Variants in RSRC1 observed in about 807,000 individuals in gnomAD.
RSRC1 encodes the protein serine/Arginine-related protein 53.
Under a neutral mutation model 49.1 loss-of-function variants are expected in RSRC1, and 39 were observed. That is an observed-to-expected ratio of 0.79 (90% CI 0.61 to 1.04). The LOEUF (loss-of-function observed/expected upper bound fraction) is 1.04. RSRC1 is among the 50% of genes least tolerant of loss of function. RSRC1 has a pLI of 0.00. For synonymous variants in RSRC1, 143 were observed against 130.8 expected (o/e 1.09, Z -0.63); for missense variants, 388 against 402.4 (o/e 0.96, Z 0.31).
At chr3:158,265,146 C>T (rs1163056194) in intron 4 of RSRC1, among the ~76,000 whole-genome samples, 1 of 152,216 alleles carries the variant, frequency 6.6e-6, no homozygotes, top group African/African-American at 2.4e-5. Context: ...CCTGTAATTA[C>T]AGGCCTTCAT....
At chr3:158,199,371 A>G (rs979240857) in intron 3 of RSRC1, among the ~76,000 whole-genome samples, 1 of 152,104 alleles carries the variant, frequency 6.6e-6, no homozygotes, top group African/African-American at 2.4e-5. Flanking sequence ...TCCATCATCC[A>G]CATTCTTTAT....
chr3:158,260,585 C>T (rs940614249), intron 4 of RSRC1, among the ~76,000 whole-genome samples: 36 of 152,142 alleles, frequency 2.4e-4, no homozygotes, highest in African/African-American at 4.6e-4. Flanking sequence ...CACCAGGTTG[C>T]GCGCATTTCA....
chr3:158,273,145 G>A (rs1056751803), intron 4 of RSRC1, among the ~76,000 whole-genome samples: 40 of 152,024 alleles, frequency 2.6e-4, no homozygotes, highest in African/African-American at 8.9e-4. Flanking sequence ...TCTCAATGAC[G>A]TATAGCAATT....
intron 6 of RSRC1, among the ~76,000 whole-genome samples, chr3:158,411,160 G>A (rs1734444923): frequency 6.6e-6 from 1 of 152,044 alleles, no homozygotes; most frequent in Non-Finnish European, 1.5e-5. Context: ...TTCATTTTAT[G>A]AACATATTAC....
At chr3:158,154,792 C>T (rs545292536) in intron 3 of RSRC1, among the ~76,000 whole-genome samples, 83 of 152,224 alleles carry the variant, frequency 5.5e-4, no homozygotes, top group African/African-American at 1.8e-3. Context: ...AGTCAGTCTT[C>T]TCAAACCCTG....
At chr3:158,519,231 A>C (rs571307658) in intron 7 of RSRC1, among the ~76,000 whole-genome samples, 5 of 151,938 alleles carry the variant, frequency 3.3e-5, no homozygotes, top group Non-Finnish European at 7.4e-5. Flanking sequence ...TCCTGTGCTA[A>C]CCCTGGTCTG....
At chr3:158,212,523 T>C (rs1461921091) in intron 4 of RSRC1, among the ~76,000 whole-genome samples, 2 of 151,954 alleles carry the variant, frequency 1.3e-5, no homozygotes, top group African/African-American at 2.4e-5. Context: ...CCAGTCCTGA[T>C]TGATCACTTT....
At chr3:158,469,573 T>G (rs1738036315) in intron 7 of RSRC1, 1 of 155,898 alleles carries the variant, frequency 6.4e-6, no homozygotes, top group Admixed American at 6.5e-5. Context: ...TGATCTACAC[T>G]TATTGAGAAG....
chr3:158,237,362 G>C (rs556757500), intron 4 of RSRC1, among the ~76,000 whole-genome samples: 1 of 152,262 alleles, frequency 6.6e-6, no homozygotes, highest in Admixed American at 6.5e-5. Context: ...ACCTAGCAGT[G>C]GAATGGGTGG....
intron 3 of RSRC1, among the ~76,000 whole-genome samples, chr3:158,194,647 T>TCCCCC (rs199693726): frequency 7.5e-5 from 6 of 80,502 alleles, no homozygotes; most frequent in African/African-American, 1.4e-4. Context: ...TCCCTCCCCC[T>TCCCCC]CCCCCCACCC....
chr3:158,255,096 T>C (rs1315742920), intron 4 of RSRC1, among the ~76,000 whole-genome samples: 1 of 152,188 alleles, frequency 6.6e-6, no homozygotes. Flanking sequence ...ATTTTGGCTT[T>C]TGTTGCCATT....
At chr3:158,335,922 T>A (rs1362019803) in intron 5 of RSRC1, among the ~76,000 whole-genome samples, 1 of 152,182 alleles carries the variant, frequency 6.6e-6, no homozygotes, top group Non-Finnish European at 1.5e-5. Flanking sequence ...GCAATGATAG[T>A]AGAGATTCTG....
intron 7 of RSRC1, among the ~76,000 whole-genome samples, chr3:158,524,653 G>A (rs749093034): frequency 3.3e-5 from 5 of 151,938 alleles, no homozygotes; most frequent in Non-Finnish European, 7.4e-5. Context: ...AATCCATACC[G>A]TTTTTCTATA....
chr3:158,536,681 A>C (rs2108505007), intron 7 of RSRC1, among the ~76,000 whole-genome samples: 1 of 151,588 alleles, frequency 6.6e-6, no homozygotes, highest in Non-Finnish European at 1.5e-5. Context: ...AATATATCAG[A>C]TCCACCCAAA....
chr3:158,434,190 A>C (rs555923933), intron 6 of RSRC1, among the ~76,000 whole-genome samples: 2 of 152,118 alleles, frequency 1.3e-5, no homozygotes, highest in Non-Finnish European at 2.9e-5. Flanking sequence ...GAGAACTTCC[A>C]AAATGTTATA....
Position 158,356,799 on chromosome 3 carries a change from C to T in RSRC1, c.583+1891C>T, listed in dbSNP as rs1477388803. On this transcript the variant is annotated intron_variant, in intron 6 of 9. Coordinates refer to ENST00000611884, the MANE Select transcript of RSRC1 (RefSeq NM_001271838.2). ...TTAGCACAGAAAACATTTGTTTCCACAAATGCAATTTTAAATAATTTTATT... is the reference window on the plus strand; with the variant it reads ...TTAGCACAGAAAACATTTGTTTCCATAAATGCAATTTTAAATAATTTTATT... Among the ~76,000 whole-genome samples, 6 of 152,010 alleles carry T rather than the reference C, an allele frequency of 3.9e-5. No individual in the cohort carries two copies. In the South Asian group the frequency reaches 1.2e-3, roughly 31 times the overall value.
chr3:158,375,252 G>A (rs6774676), intron 6 of RSRC1, among the ~76,000 whole-genome samples: 78,487 of 149,936 alleles, frequency 0.52, 20,969 homozygotes, highest in African/African-American at 0.61. Flanking sequence ...CTGGAGTGCA[G>A]GTGGCATGAT....
At chr3:158,372,366 C>T (rs1176191697) in intron 6 of RSRC1, among the ~76,000 whole-genome samples, 1 of 151,868 alleles carries the variant, frequency 6.6e-6, no homozygotes. Context: ...TTGCTTTGCA[C>T]ATGGATATCT....
intron 7 of RSRC1, among the ~76,000 whole-genome samples, chr3:158,516,845 A>C (rs556350146): frequency 2.0e-5 from 3 of 152,124 alleles, no homozygotes; most frequent in Non-Finnish European, 4.4e-5. Flanking sequence ...TTCAGGTGGG[A>C]GTGACCCGAT....
Sources: gnomAD v4.1 joint callset for allele counts (sites outside exome capture counted in the v4.1 genomes callset) on GRCh38, gnomAD v4.1.1 for gene constraint, MANE v1.5 for transcripts, NCBI Gene and HGNC (gene_info 2026-07-23, HGNC 2026-07-21) for gene names.